Variants in NOTCH2 observed in about 807,000 individuals in gnomAD.
NOTCH2 encodes the protein neurogenic locus notch homolog protein 2.
NOTCH2 carries 29 observed loss-of-function variants against 235.8 expected under a neutral mutation model. The observed-to-expected ratio is 0.12, with a 90% CI of 0.09 to 0.17. The LOEUF (loss-of-function observed/expected upper bound fraction) is 0.17, where lower values mean the gene tolerates loss of function less well. Among genes scored for constraint, NOTCH2 ranks in the 10% least tolerant of loss-of-function variants. NOTCH2 has a pLI of 1.00. For missense variants in NOTCH2, 2,285 were observed against 3,150.2 expected, an observed-to-expected ratio of 0.73 and a Z score of 6.57; for synonymous variants, 1,086 against 1,141.5, an observed-to-expected ratio of 0.95 and a Z score of 0.98.
At chr1:119,934,649 T>C (rs932983617) in intron 22 of NOTCH2, among the ~76,000 whole-genome samples, 2 of 152,218 alleles carry the variant, frequency 1.3e-5, no homozygotes, top group Non-Finnish European at 2.9e-5. Flanking sequence ...TGGCAAATTA[T>C]CAAACTTTAC....
rs1652935820 is a variant in NOTCH2 at position 120,005,470 on chromosome 1, A to G, written c.274T>C (p.Cys92Arg). Residue 92 changes from cysteine to arginine, a missense_variant, in exon 3 of 34, where the codon TGT (cysteine) becomes CGT (arginine). This residue lies in a region of NOTCH2 where 431 missense variants were observed against 757.8 expected (regional missense o/e 0.57). Transcript: ENST00000256646. ...QAMLGKATCR[C>R]ASGFTGEDCQ... ...TCCTCTCCTGTAAACCCTGAGGCAC[A>G]TCGGCACGTGGCTTTCCCCAGCATG... 1 of 1,613,694 alleles carries G rather than the reference A, an allele frequency of 6.2e-7. No individual in the cohort carries two copies. Among genetic ancestry groups the G allele is most frequent in the Non-Finnish European group, 8.5e-7 (1 of 1,179,838 alleles).
chr1:119,950,741 CAGT>C lies in NOTCH2; in HGVS notation c.2459_2461del (p.His820_Cys821delinsArg). 6.2e-7 allele frequency: 1 copy of C among 1,611,520 alleles called. No individual in the cohort carries two copies. The highest frequency in any genetic ancestry group is 8.5e-7 in the Non-Finnish European group (1 of 1,177,548). ...GGACCCACCTGTGTATGGCAGCACA[CAGT>C]GGCAAGTGTAGCCACTTATGTCATC... On this transcript the variant is annotated inframe_deletion, in exon 15 of 34. Transcript: ENST00000256646.
At chr1:120,026,956 T>C (rs1160887280) in intron 2 of NOTCH2, among the ~76,000 whole-genome samples, 14 of 140,036 alleles carry the variant, frequency 1.0e-4, no homozygotes, top group Non-Finnish European at 2.2e-4. Flanking sequence ...TTTTCTTTTT[T>C]TTTTTTTTTT....
intron 2 of NOTCH2, among the ~76,000 whole-genome samples, chr1:120,008,920 TG>T (rs1553206561): frequency 2.6e-5 from 4 of 151,842 alleles, no homozygotes; most frequent in African/African-American, 9.7e-5. Context: ...TTAAGTGCTG[TG>T]AAAAAAAATT....
intron 5 of NOTCH2, chr1:119,976,473 T>A (rs1411192805): frequency 6.6e-6 from 1 of 151,490 alleles, no homozygotes; most frequent in Non-Finnish European, 1.5e-5. Context: ...GCTAAGGGGA[T>A]AATGTAGTTG....
chr1:119,950,814 C>T lies in NOTCH2; in HGVS notation c.2389G>A (p.Asp797Asn). The change falls in exon 15 of 34, where the codon GAT becomes AAT. Residue 797 changes from aspartate to asparagine, a missense_variant. Asp to Asn is a conservative substitution (Grantham distance 23). Coordinates refer to ENST00000256646, the MANE Select transcript of NOTCH2 (RefSeq NM_024408.4). ...FKGYNCQVNI[D>N]ECASNPCLNQ... ...AGGCATGGATTTGAGGCACATTCAT[C>T]AATATTCACCTGGCAGTTATAGCCT... 1 of 1,613,520 alleles carries T rather than the reference C, an allele frequency of 6.2e-7. No individual in the cohort carries two copies.
chr1:120,007,762 G>A (rs1653039191), intron 2 of NOTCH2, among the ~76,000 whole-genome samples: 1 of 151,548 alleles, frequency 6.6e-6, no homozygotes, highest in Admixed American at 6.6e-5. Context: ...AAAATACAAT[G>A]CCCCATCCAA....
rs769059466 is a variant in NOTCH2, at chr1:119,916,057, C to T, written c.6665G>A (p.Ser2222Asn). The change falls in exon 34 of 34, where the codon AGC becomes AAC. Residue 2222 changes from serine to asparagine, a missense_variant. By Grantham distance (46) the Ser-to-Asn change is conservative. Coordinates refer to ENST00000256646, the MANE Select transcript of NOTCH2 (RefSeq NM_024408.4). The part of the protein sequence containing the change: ...HGASTVLPSV[S>N]QLLSHHHIVS... ...AATGTGGTGGTGGGATAGCAACTGG[C>T]TCACTGAGGGAAGCACAGTGCTGGC... The T allele has an allele frequency of 1.9e-6, 3 of 1,613,734 alleles. No homozygotes were observed. Among genetic ancestry groups the T allele is most frequent in the Non-Finnish European group, 2.5e-6 (3 of 1,180,052 alleles).
At chr1:119,918,727 G>C (rs1479459019) in intron 31 of NOTCH2, among the ~76,000 whole-genome samples, 174 bp from the exon 32 acceptor site, 1 of 152,152 alleles carries the variant, frequency 6.6e-6, no homozygotes, top group Non-Finnish European at 1.5e-5. Context: ...ATAAATATTT[G>C]TTGCATGAAT....
intron 5 of NOTCH2, among the ~76,000 whole-genome samples, chr1:119,970,562 T>C (rs1185453737): frequency 1.3e-5 from 2 of 152,078 alleles, no homozygotes; most frequent in Admixed American, 1.3e-4. Flanking sequence ...AAGATCACAC[T>C]AAAGGAAGCT....
At chr1:119,957,562 A>G (rs1650752144) in intron 12 of NOTCH2, among the ~76,000 whole-genome samples, 1 of 152,132 alleles carries the variant, frequency 6.6e-6, no homozygotes, top group South Asian at 2.1e-4. Context: ...ATGAGTATAT[A>G]CCACAGTCAT....
chr1:120,022,908 C>T (rs1300249603), intron 2 of NOTCH2, among the ~76,000 whole-genome samples: 11 of 150,086 alleles, frequency 7.3e-5, no homozygotes, highest in South Asian at 2.1e-4. Context: ...ACATTTTCCA[C>T]GAGTATATCT....
rs587775224 is a variant in NOTCH2, at chr1:120,069,222, C to G, written c.73+112G>C. On this transcript the variant is annotated intron_variant, in intron 1 of 33. Coordinates refer to ENST00000256646, the MANE Select transcript of NOTCH2 (RefSeq NM_024408.4). ...GAACCCAGCGAGTGGCCTCGCTCCG[C>G]GCCGGCGGCCGAGCCTGGCCTTCCC... 7.3e-4 allele frequency: 1,116 copies of G among 1,526,938 alleles called. 12 individuals are homozygous for G. The highest frequency in any genetic ancestry group is 5.1e-3 in the South Asian group (427 of 83,192). The allele number at this position is 1,526,938 out of a possible 1,614,324, so 94.6% of individuals were successfully genotyped here.
intron 1 of NOTCH2, among the ~76,000 whole-genome samples, chr1:120,065,112 AG>A (rs1655455596): frequency 6.6e-6 from 1 of 152,204 alleles, no homozygotes; most frequent in Admixed American, 6.5e-5. Flanking sequence ...GATCAGAAAA[AG>A]AAAGAAAGAA....
intron 23 of NOTCH2, among the ~76,000 whole-genome samples, chr1:119,928,340 G>T (rs751850522): frequency 6.6e-6 from 1 of 152,066 alleles, no homozygotes; most frequent in African/African-American, 2.4e-5. Flanking sequence ...ACTGATCTTT[G>T]GTTAAACACA....
In NOTCH2 at chr1:119,967,313, C is replaced by T. The variant is rs148970638; in HGVS notation, c.1453+120G>A. 4.1e-4 allele frequency: 395 copies of T among 956,406 alleles called. 2 individuals are homozygous for T. In the African/African-American group the frequency reaches 5.1e-3, roughly 12 times the overall value. 59.2% of individuals were successfully genotyped at this position (956,406 alleles called of 1,614,324 possible). On this transcript the variant is annotated intron_variant, in intron 8 of 33. Transcript: ENST00000256646. ...CTGACTTCCTCTAGTCCCCAGTCAG[C>T]AAAGGAAATCAAATGCTGACAGAGC...
At chr1:119,935,308 G>C (rs1649809406) in intron 22 of NOTCH2, 164 bp downstream of exon 22, 6 of 1,571,898 alleles carry the variant, frequency 3.8e-6, no homozygotes, top group Middle Eastern at 2.0e-4. Context: ...GCTAGCAAGA[G>C]ATGGGAGAAT....
rs368918146 is a variant in NOTCH2, at chr1:119,937,959, C to T, written c.3235G>A (p.Val1079Ile). Reference protein sequence around the residue: ...RSPCKNKGTCVQKKAESQCLC... With the variant: ...RSPCKNKGTCIQKKAESQCLC... ...CACTGGGACTCTGCTTTTTTCTGAA[C>T]GCAAGTACCTTTGTTTTTACATGGA... is the stretch of plus-strand genomic sequence containing the variant. The change falls in exon 20 of 34, where the codon GTT becomes ATT. Residue 1079 changes from valine to isoleucine, a missense_variant. Physicochemically the swap from Val to Ile is conservative, Grantham distance 29. Around this residue, in one of 6 missense-constraint regions of NOTCH2, gnomAD observed 1,173 missense variants for 1,515.3 expected, o/e 0.77. Transcript: ENST00000256646. The T allele has an allele frequency of 9.0e-5, 145 of 1,614,158 alleles. No homozygotes were observed. The African/African-American group carries it at 1.2e-3, about 14-fold the overall frequency.
At chr1:119,984,561 G>A (rs940127585) in intron 5 of NOTCH2, among the ~76,000 whole-genome samples, 1 of 152,032 alleles carries the variant, frequency 6.6e-6, no homozygotes. Flanking sequence ...GTGTAACACA[G>A]AAAAGACTAA....
Sources: allele counts gnomAD v4.1 joint callset (sites outside exome capture counted in the v4.1 genomes callset), GRCh38; gene constraint gnomAD v4.1.1; regional missense constraint gnomAD v4.1.1; transcripts MANE v1.5; gene names NCBI Gene and HGNC (gene_info 2026-07-23, HGNC 2026-07-21).